ARHGEF37: variants seen among roughly 807,000 people sequenced by gnomAD.
ARHGEF37 encodes Rho guanine nucleotide exchange factor (GEF) 37.
ARHGEF37 carries 55 observed loss-of-function variants against 71.1 expected under a neutral mutation model. That is an observed-to-expected ratio of 0.77 (90% CI 0.62 to 0.97). The LOEUF is 0.97. Among genes scored for constraint, ARHGEF37 ranks in the 50% least tolerant of loss-of-function variants. The probability of loss-of-function intolerance (pLI) is 0.00; values close to 1 mark genes in which losing one functional copy is unlikely to be tolerated. For synonymous variants in ARHGEF37, 327 were observed against 350.6 expected, an observed-to-expected ratio of 0.93 and a Z score of 0.75; for missense variants, 765 against 836.8, an observed-to-expected ratio of 0.91 and a Z score of 1.06.
intron 3 of ARHGEF37, among the ~76,000 whole-genome samples, chr5:149,607,120 C>G (rs1193056067): frequency 2.0e-5 from 3 of 152,192 alleles, no homozygotes; most frequent in Non-Finnish European, 2.9e-5. Flanking sequence ...CCAGGCTGGT[C>G]TCAAACTCCT....
intron 1 of ARHGEF37, among the ~76,000 whole-genome samples, chr5:149,556,989 T>TTG (rs1358915237): frequency 6.6e-6 from 1 of 152,246 alleles, no homozygotes; most frequent in Non-Finnish European, 1.5e-5. Context: ...TCCCTTTCTT[T>TTG]AATCAGTCCC....
chr5:149,615,992 C>T (rs904764052), intron 4 of ARHGEF37, among the ~76,000 whole-genome samples: 1 of 152,130 alleles, frequency 6.6e-6, no homozygotes, highest in African/African-American at 2.4e-5. Context: ...AGTTGAGCTG[C>T]GCTCGGGACA....
At chr5:149,603,663 T>C (rs1255630780) in intron 3 of ARHGEF37, among the ~76,000 whole-genome samples, 1 of 152,128 alleles carries the variant, frequency 6.6e-6, no homozygotes. Context: ...AGGCCAGCCA[T>C]GGTGACTCAT....
chr5:149,609,046 A>G (rs1305586078), intron 3 of ARHGEF37, among the ~76,000 whole-genome samples: 1 of 152,030 alleles, frequency 6.6e-6, no homozygotes, highest in Non-Finnish European at 1.5e-5. Context: ...TTAGCCAGGC[A>G]TGGTAGCATG....
chr5:149,628,711 A>G (rs1293682247), intron 11 of ARHGEF37, 98 bp from the exon 12 acceptor site: 2 of 1,431,586 alleles, frequency 1.4e-6, no homozygotes, highest in Non-Finnish European at 1.9e-6. Flanking sequence ...GGGTGTTGAG[A>G]AGCTGTGTTG....
At chr5:149,575,431 A>G (rs528973265) in intron 1 of ARHGEF37, among the ~76,000 whole-genome samples, 9 of 152,278 alleles carry the variant, frequency 5.9e-5, no homozygotes, top group African/African-American at 1.9e-4. Flanking sequence ...TTAAGGCTAC[A>G]TGGCTCTATG....
intron 2 of ARHGEF37, among the ~76,000 whole-genome samples, 178 bp downstream of exon 2, chr5:149,598,133 A>G (rs553194552): frequency 9.2e-5 from 14 of 152,314 alleles, no homozygotes; most frequent in Admixed American, 8.5e-4. Context: ...TGCAACCTCC[A>G]TCAAGGTCTT....
intron 3 of ARHGEF37, among the ~76,000 whole-genome samples, chr5:149,603,447 G>A (rs1763819802): frequency 1.3e-5 from 2 of 152,178 alleles, no homozygotes; most frequent in Non-Finnish European, 2.9e-5. Context: ...TTTGAATGCA[G>A]GTAGTTGGCC....
chr5:149,557,649 GGGAGTTGCTTTAGCCTCCCATCCAGGA>G (rs1295615298), intron 1 of ARHGEF37, among the ~76,000 whole-genome samples: 1 of 152,018 alleles, frequency 6.6e-6, no homozygotes, highest in Non-Finnish European at 1.5e-5. Flanking sequence ...TGGCCTAACA[GGGAGTTGCTTTAGCCTCCCATCCAGGA>G]GGAGTTGCTT....
chr5:149,623,931 A>G, intron 9 of ARHGEF37, 81 bp from the exon 10 acceptor site: 1 of 1,498,938 alleles, frequency 6.7e-7, no homozygotes, highest in African/African-American at 1.4e-5. Flanking sequence ...TTGGGTTGAA[A>G]ATAATATAAA....
At chr5:149,610,781 G>A (rs1394442667) in intron 4 of ARHGEF37, among the ~76,000 whole-genome samples, 3 of 152,240 alleles carry the variant, frequency 2.0e-5, no homozygotes, top group Non-Finnish European at 4.4e-5. Context: ...GCGCACACTA[G>A]AGACAACAGA....
intron 5 of ARHGEF37, among the ~76,000 whole-genome samples, chr5:149,617,322 C>T (rs1752409634): frequency 3.3e-5 from 5 of 152,146 alleles, no homozygotes; most frequent in Non-Finnish European, 7.4e-5. Context: ...ACATGACTGC[C>T]ACACTGTGGA....
intron 1 of ARHGEF37, among the ~76,000 whole-genome samples, chr5:149,566,580 T>C (rs2113240470): frequency 6.9e-6 from 1 of 145,614 alleles, no homozygotes; most frequent in East Asian, 2.1e-4. Flanking sequence ...GGTATCGTTA[T>C]CACCCCAGAT....
At position 149,559,061 on chromosome 5, in the gene ARHGEF37, G is replaced by A. The variant is rs930566100; in HGVS notation, c.-12+6938G>A. ...AAACTGGCCAGGCACAGTGGCTCAC[G>A]CCTGTAATCCCAGCACTTTGGGAGG... is the stretch of plus-strand genomic sequence containing the variant. On this transcript the variant is annotated intron_variant, in intron 1 of 2. Coordinates refer to the ARHGEF37 transcript ENST00000505810. 7.2e-5 allele frequency among the ~76,000 whole-genome samples: 11 copies of A among 152,052 alleles called. No homozygotes were observed. The South Asian group carries it at 8.3e-4, about 11-fold the overall frequency.
intron 3 of ARHGEF37, among the ~76,000 whole-genome samples, chr5:149,606,461 G>T (rs1470030809): frequency 6.6e-6 from 1 of 152,210 alleles, no homozygotes; most frequent in Non-Finnish European, 1.5e-5. Flanking sequence ...CACAGACCTT[G>T]TCTGGGTCAC....
chr5:149,561,289 A>AG (rs1762826558), intron 1 of ARHGEF37, among the ~76,000 whole-genome samples: 1 of 151,806 alleles, frequency 6.6e-6, no homozygotes, highest in Non-Finnish European at 1.5e-5. Context: ...AAAAAAAAAA[A>AG]AAAGGCAATA....
chr5:149,616,669 C>A lies in ARHGEF37; in HGVS notation c.561C>A (p.Val187=). ...LLLQKILENT[V]PDASAYPVLQ... is the part of the protein sequence containing the mutation. ...TGCAGAAAATCCTGGAGAACACAGT[C>A]CCTGATGCCAGTGCCTATCCTGTCC... The change falls in exon 5 of 13, where the codon GTC becomes GTA. Residue 187 remains valine, a synonymous_variant. Transcript: ENST00000333677. 6.2e-7 allele frequency: 1 copy of A among 1,613,990 alleles called. No individual in the cohort carries two copies. Among genetic ancestry groups the A allele is most frequent in the African/African-American group, 1.3e-5 (1 of 75,042 alleles).
chr5:149,596,127 A>G (rs1324488278), intron 1 of ARHGEF37, among the ~76,000 whole-genome samples: 1 of 152,068 alleles, frequency 6.6e-6, no homozygotes, highest in Non-Finnish European at 1.5e-5. Context: ...CAGCTGCATC[A>G]GCTCAGCTGC....
chr5:149,611,352 C>A (rs539089672), intron 4 of ARHGEF37, among the ~76,000 whole-genome samples: 5 of 152,352 alleles, frequency 3.3e-5, no homozygotes, highest in African/African-American at 1.2e-4. Context: ...AAATGAGGGT[C>A]TGTTGTGGCC....
Sources: allele counts gnomAD v4.1 joint callset (sites outside exome capture counted in the v4.1 genomes callset), GRCh38; gene constraint gnomAD v4.1.1; transcripts MANE v1.5; gene names NCBI Gene and HGNC (gene_info 2026-07-23, HGNC 2026-07-21).